Variants in ZNF333 observed in about 807,000 individuals in gnomAD.
ZNF333 encodes the protein zinc finger protein 333.
ZNF333 carries 61 observed loss-of-function variants against 76.1 expected under a neutral mutation model. That is an observed-to-expected ratio of 0.80 (90% CI 0.65 to 0.99). The LOEUF (loss-of-function observed/expected upper bound fraction) is 0.99, where lower values mean the gene tolerates loss of function less well. Ranked by LOEUF, ZNF333 falls within the 50% of genes least tolerant of loss-of-function variation. The probability of loss-of-function intolerance (pLI) is 0.00; values close to 1 mark genes in which losing one functional copy is unlikely to be tolerated. For synonymous variants in ZNF333, 284 were observed against 305.0 expected (o/e 0.93, Z 0.72); for missense variants, 717 against 822.4 (o/e 0.87, Z 1.57).
rs748891374 is a variant in ZNF333, at chr19:14,693,476, C to T, written c.-16C>T. 3.1e-6 allele frequency: 5 copies of T among 1,602,130 alleles called. No individual in the cohort carries two copies. The highest frequency in any genetic ancestry group is 4.3e-6 in the Non-Finnish European group (5 of 1,171,234). ...GGAGAACACCGACTGAGACCTCAAA[C>T]CCTGGCTCCAGTGTCATGGTGAGGA... On this transcript the variant is annotated 5_prime_UTR_variant, in exon 2 of 12. Coordinates refer to ENST00000292530, the MANE Select transcript of ZNF333 (RefSeq NM_032433.4).
downstream of ZNF333, among the ~76,000 whole-genome samples, chr19:14,722,374 C>T (rs894631694): frequency 2.6e-5 from 4 of 152,210 alleles, no homozygotes; most frequent in Admixed American, 1.3e-4. Context: ...GAAGAACACA[C>T]GTTGGGCTTT....
At chr19:14,690,830 C>T (rs1172142461) in intron 1 of ZNF333, among the ~76,000 whole-genome samples, 2 of 152,120 alleles carry the variant, frequency 1.3e-5, no homozygotes, top group Non-Finnish European at 2.9e-5. Flanking sequence ...TGGTGGCTCA[C>T]TCCTATAATC....
chr19:14,732,999 C>T (rs2042689486), exon 12 of ZNF333: 1 of 152,214 alleles, frequency 6.6e-6, no homozygotes, highest in Non-Finnish European at 1.5e-5. Flanking sequence ...GCTCTACACT[C>T]ATAGGGACCC....
chr19:14,718,176 T>C, intron 11 of ZNF333, 52 bp from the exon 12 acceptor site: 3 of 1,547,352 alleles, frequency 1.9e-6, no homozygotes, highest in Non-Finnish European at 1.7e-6. Context: ...TAGGGGAGAA[T>C]ATCTGTGAAT....
chr19:14,692,039 C>G (rs561752197), intron 1 of ZNF333, among the ~76,000 whole-genome samples: 2 of 152,258 alleles, frequency 1.3e-5, no homozygotes, highest in African/African-American at 4.8e-5. Context: ...CTGAGTCATT[C>G]TTGAGGAGTG....
At chr19:14,704,568 T>C (rs2042055219) in intron 5 of ZNF333, among the ~76,000 whole-genome samples, 1 of 152,174 alleles carries the variant, frequency 6.6e-6, no homozygotes, top group African/African-American at 2.4e-5. Flanking sequence ...TACAGTTCCA[T>C]GTGGCCAGGG....
Position 14,718,680 on chromosome 19 carries a change from G to T in ZNF333, c.1353G>T (p.Glu451Asp). 6.2e-6 allele frequency: 10 copies of T among 1,614,010 alleles called. No individual in the cohort carries two copies. The highest frequency in any genetic ancestry group is 8.5e-6 in the Non-Finnish European group (10 of 1,180,014). ...QRNHTGEKPY[E>D]CKDCGKAFNQ... Reference sequence around the variant, plus strand: ...ACCACACAGGAGAGAAGCCCTACGAGTGTAAAGATTGTGGGAAAGCCTTCA... The same window carrying T: ...ACCACACAGGAGAGAAGCCCTACGATTGTAAAGATTGTGGGAAAGCCTTCA... Residue 451 changes from glutamate to aspartate, a missense_variant, in exon 12 of 12, where the codon GAG becomes GAT. By Grantham distance (45) the Glu-to-Asp change is conservative. Coordinates refer to ENST00000292530, the MANE Select transcript of ZNF333 (RefSeq NM_032433.4).
At chr19:14,725,889 G>A (rs2042630108), downstream of ZNF333, among the ~76,000 whole-genome samples, 1 of 152,220 alleles carries the variant, frequency 6.6e-6, no homozygotes, top group Non-Finnish European at 1.5e-5. Context: ...CCATTCTGGG[G>A]TCTGGAGGGA....
intron 11 of ZNF333, 44 bp downstream of exon 11, chr19:14,717,777 G>A (rs768459601): frequency 1.3e-6 from 2 of 1,580,478 alleles, no homozygotes; most frequent in Non-Finnish European, 1.7e-6. Flanking sequence ...ATAGTAGGAT[G>A]AGTCTGGGGT....
chr19:14,723,349 G>A (rs1233678219), downstream of ZNF333, among the ~76,000 whole-genome samples: 1 of 152,168 alleles, frequency 6.6e-6, no homozygotes, highest in Non-Finnish European at 1.5e-5. Context: ...TTTGAAATAA[G>A]TGTGGTGTGA....
At chr19:14,709,309 G>A (rs1170589531) in intron 7 of ZNF333, 1 of 152,194 alleles carries the variant, frequency 6.6e-6, no homozygotes, top group Admixed American at 6.5e-5. Context: ...CGTCTTGTGA[G>A]TACACCAGTC....
At chr19:14,714,321 T>G (rs561388574) in intron 7 of ZNF333, among the ~76,000 whole-genome samples, 2 of 151,994 alleles carry the variant, frequency 1.3e-5, no homozygotes, top group Admixed American at 1.3e-4. Context: ...TGTGTCCTTA[T>G]GAGAAGAGGA....
intron 11 of ZNF333, among the ~76,000 whole-genome samples, chr19:14,729,154 A>T (rs2147048060): frequency 6.6e-6 from 1 of 152,202 alleles, no homozygotes; most frequent in South Asian, 2.1e-4. Flanking sequence ...GCATAGAGAC[A>T]AGGAAGTTAA....
At chr19:14,713,660 A>G (rs933303890) in intron 7 of ZNF333, among the ~76,000 whole-genome samples, 1 of 152,096 alleles carries the variant, frequency 6.6e-6, no homozygotes, top group Admixed American at 6.6e-5. Flanking sequence ...TGGGTGGGCT[A>G]CAAGAAGGAG....
chr19:14,699,781 G>A (rs373458649), intron 5 of ZNF333, among the ~76,000 whole-genome samples: 18 of 152,156 alleles, frequency 1.2e-4, no homozygotes, highest in East Asian at 1.2e-3. Context: ...GACATTGAGC[G>A]TGCGAAATAC....
intron 4 of ZNF333, 99 bp from the exon 5 acceptor site, chr19:14,699,100 G>A: frequency 2.2e-6 from 2 of 891,140 alleles, no homozygotes; most frequent in South Asian, 2.8e-5. Context: ...TGTGTGTATA[G>A]TGTGTATATA....
chr19:14,715,181 G>A (rs2042391996), intron 7 of ZNF333: 1 of 555,040 alleles, frequency 1.8e-6, no homozygotes, highest in Non-Finnish European at 3.3e-6. Flanking sequence ...GTGCATGTCT[G>A]TGTACGTGTG....
intron 5 of ZNF333, among the ~76,000 whole-genome samples, chr19:14,702,344 A>G (rs116447040): frequency 2.6e-5 from 4 of 152,272 alleles, no homozygotes; most frequent in Admixed American, 6.5e-5. Flanking sequence ...GCAAGAACCC[A>G]TCTCTGCAAA....
At chr19:14,710,973 G>C (rs916352066) in intron 7 of ZNF333, among the ~76,000 whole-genome samples, 10 of 151,804 alleles carry the variant, frequency 6.6e-5, no homozygotes, top group Non-Finnish European at 1.3e-4. Flanking sequence ...CGGGGGCAGT[G>C]GGGGAGGGAA....
Sources: gnomAD v4.1 joint callset for allele counts (sites outside exome capture counted in the v4.1 genomes callset) on GRCh38, gnomAD v4.1.1 for gene constraint, MANE v1.5 for transcripts, NCBI Gene and HGNC (gene_info 2026-07-23, HGNC 2026-07-21) for gene names.